Variants in ACOT11 observed in about 807,000 individuals in gnomAD.
ACOT11 encodes the protein acyl-coenzyme A thioesterase 11.
A neutral mutation model predicts 77.5 loss-of-function variants in ACOT11; 69 were observed. The ratio of observed to expected loss-of-function variants is 0.89; its 90% CI spans 0.73 to 1.09. The LOEUF (loss-of-function observed/expected upper bound fraction) is 1.09. ACOT11 is among the 50% of genes least tolerant of loss of function. The probability of loss-of-function intolerance (pLI) is 0.00; values close to 1 mark genes in which losing one functional copy is unlikely to be tolerated. For synonymous variants in ACOT11, 279 were observed against 313.0 expected, an observed-to-expected ratio of 0.89 and a Z score of 1.15; for missense variants, 766 against 813.7, an observed-to-expected ratio of 0.94 and a Z score of 0.71.
chr1:54,560,092 G>T (rs943991003), intron 1 of ACOT11, among the ~76,000 whole-genome samples: 1 of 152,224 alleles, frequency 6.6e-6, no homozygotes. Context: ...GCAGACCAGA[G>T]TCTGACACTT....
intron 1 of ACOT11, among the ~76,000 whole-genome samples, chr1:54,551,725 T>C (rs1351165405): frequency 2.0e-5 from 3 of 149,946 alleles, no homozygotes; most frequent in African/African-American, 7.6e-5. Flanking sequence ...GTTTTTGTTT[T>C]TGTTTTGTTT....
chr1:54,559,593 CT>C (rs34859193), intron 1 of ACOT11, among the ~76,000 whole-genome samples: 27,049 of 145,592 alleles, frequency 0.19, 2,648 homozygotes, highest in Middle Eastern at 0.26. Flanking sequence ...GAATAGTTTT[CT>C]TTTTTTTTTT....
rs142550424 is a variant in ACOT11 at position 54,609,913 on chromosome 1, A to G, written c.*801A>G. The G allele has an allele frequency of 4.5e-5, 72 of 1,608,310 alleles. No individual in the cohort carries two copies. Among genetic ancestry groups the G allele is most frequent in the Non-Finnish European group, 5.8e-5 (69 of 1,179,604 alleles). On this transcript the variant is annotated 3_prime_UTR_variant, in exon 16 of 16. Coordinates refer to ENST00000343744, the MANE Select transcript of ACOT11 (RefSeq NM_147161.4). Reference sequence around the variant, plus strand: ...TTTCAGCCACAGTTCCCTCGAGGCCAGTGTTCAGCAGGATCATGCCTTCTG... The same window carrying G: ...TTTCAGCCACAGTTCCCTCGAGGCCGGTGTTCAGCAGGATCATGCCTTCTG...
chr1:54,608,106 T>C, intron 15 of ACOT11, 38 bp downstream of exon 15: 4 of 1,591,184 alleles, frequency 2.5e-6, no homozygotes, highest in Non-Finnish European at 3.4e-6. Context: ...CCAGCCTGGC[T>C]CCACCCCAAC....
chr1:54,623,257 G>T (rs1166305036), intron 15 of ACOT11: 2 of 1,561,800 alleles, frequency 1.3e-6, no homozygotes, highest in Admixed American at 3.3e-5. Flanking sequence ...CACTCAGGAT[G>T]ACATGGGGGG....
exon 17 of ACOT11, chr1:54,635,450 A>T (rs2101036505): frequency 3.8e-6 from 1 of 262,422 alleles, no homozygotes; most frequent in Middle Eastern, 1.3e-3. Flanking sequence ...TGTAAAAACT[A>T]TTAAATGCTC....
At position 54,585,829 on chromosome 1, in the gene ACOT11, C is replaced by T. The variant is rs1245041952; in HGVS notation, c.242-6C>T. On this transcript the variant is annotated splice_polypyrimidine_tract_variant and splice_region_variant and intron_variant, in intron 2 of 15. Transcript: ENST00000343744. ...CTAATGTCTGGCTTTCTTCTGCTGA[C>T]ACCAGCGGAGAGGCACGCTGGCTGC... 2.5e-6 allele frequency: 4 copies of T among 1,613,872 alleles called. No homozygotes were observed. The African/African-American group carries it at 5.3e-5, about 22-fold the overall frequency.
At chr1:54,611,698 T>C, downstream of ACOT11, 1 of 1,614,084 alleles carries the variant, frequency 6.2e-7, no homozygotes, top group South Asian at 1.1e-5. Flanking sequence ...GAGCAGATCT[T>C]CCACCGACAT....
chr1:54,630,479 CACAA>C (rs1644293386), intron 15 of ACOT11, among the ~76,000 whole-genome samples: 2 of 152,226 alleles, frequency 1.3e-5, no homozygotes, highest in African/African-American at 4.8e-5. Flanking sequence ...ATTCTTAAGC[CACAA>C]ACAAAAGCAT....
chr1:54,617,247 C>T lies in ACOT11; in HGVS notation c.1629+9179C>T, dbSNP rs147178144. On this transcript the variant is annotated intron_variant, in intron 15 of 16. Coordinates refer to the ACOT11 transcript ENST00000371316. ...TCTCTAGATAATCATGCAAGGGGCA[C>T]TCACACTTGAAGAGTGTAGTGGAGG... Among the ~76,000 whole-genome samples, 3 of 152,248 alleles carry T rather than the reference C, an allele frequency of 2.0e-5. No individual in the cohort carries two copies. The East Asian group carries it at 5.8e-4, about 29-fold the overall frequency.
chr1:54,573,157 A>G, intron 1 of ACOT11: 1 of 985,444 alleles, frequency 1.0e-6, no homozygotes, highest in Non-Finnish European at 1.2e-6. Flanking sequence ...TGGTTAAGGA[A>G]GAGCCGGTGG....
At chr1:54,550,290 G>A (rs1653018124) in intron 1 of ACOT11, among the ~76,000 whole-genome samples, 2 of 152,196 alleles carry the variant, frequency 1.3e-5, no homozygotes, top group South Asian at 2.1e-4. Context: ...GAGTCTGGGG[G>A]TGGAGGTGGG....
intron 1 of ACOT11, among the ~76,000 whole-genome samples, chr1:54,564,243 A>T (rs1264439723): frequency 6.6e-6 from 1 of 152,128 alleles, no homozygotes; most frequent in East Asian, 1.9e-4. Context: ...CTGTCTCCAG[A>T]AGAAAAAGAA....
exon 17 of ACOT11, chr1:54,634,899 C>T (rs1011047886): frequency 2.6e-5 from 13 of 499,680 alleles, no homozygotes; most frequent in South Asian, 2.1e-4. Context: ...TCACAGATGG[C>T]GGAAGAAAAC....
At chr1:54,610,443 G>C, downstream of ACOT11, 1 of 1,613,652 alleles carries the variant, frequency 6.2e-7, no homozygotes, top group Middle Eastern at 1.7e-4. Flanking sequence ...TTTTACCGCT[G>C]CCCTGGACGT....
At chr1:54,550,305 G>C (rs1332568630) in intron 1 of ACOT11, among the ~76,000 whole-genome samples, 1 of 152,158 alleles carries the variant, frequency 6.6e-6, no homozygotes, top group Non-Finnish European at 1.5e-5. Flanking sequence ...GGTGGGTATT[G>C]GGAGTGGAAG....
At chr1:54,602,632 G>A in intron 9 of ACOT11, 37 bp from the exon 10 acceptor site, 2 of 1,487,622 alleles carry the variant, frequency 1.3e-6, no homozygotes, top group Non-Finnish European at 1.8e-6. Flanking sequence ...GACGGAGGGT[G>A]GGGGTAGCTG....
intron 15 of ACOT11, among the ~76,000 whole-genome samples, chr1:54,619,565 A>G (rs116681719): frequency 1.1e-3 from 172 of 152,300 alleles, no homozygotes; most frequent in African/African-American, 4.0e-3. Flanking sequence ...GAGGCTTTGA[A>G]GGTAAAGGCT....
chr1:54,578,395 C>T (rs1469434591), intron 1 of ACOT11, among the ~76,000 whole-genome samples: 1 of 152,200 alleles, frequency 6.6e-6, no homozygotes, highest in Non-Finnish European at 1.5e-5. Flanking sequence ...GCAGGCCCCA[C>T]CCCCTGAAAA....
Sources: allele counts gnomAD v4.1 joint callset (sites outside exome capture counted in the v4.1 genomes callset), GRCh38; gene constraint gnomAD v4.1.1; transcripts MANE v1.5; gene names NCBI Gene and HGNC (gene_info 2026-07-23, HGNC 2026-07-21).